The following VPS13A variants were observed in gnomAD, a reference collection of about 807,000 sequenced individuals.
The protein encoded by VPS13A is vacuolar protein sorting 13 homolog A.
VPS13A carries 264 observed loss-of-function variants against 390.9 expected under a neutral mutation model. The ratio of observed to expected loss-of-function variants is 0.68; its 90% CI spans 0.61 to 0.75. The LOEUF (loss-of-function observed/expected upper bound fraction) is 0.75, where lower values mean the gene tolerates loss of function less well. VPS13A is among the 30% of genes least tolerant of loss of function. VPS13A has a pLI of 0.00. For synonymous variants in VPS13A, 1,231 were observed against 1,227.1 expected (o/e 1.00, Z -0.07); for missense variants, 3,409 against 3,733.9 (o/e 0.91, Z 2.27).
chr9:77,363,013 C>A (rs1281092844), intron 59 of VPS13A, among the ~76,000 whole-genome samples: 1 of 151,946 alleles, frequency 6.6e-6, no homozygotes, highest in East Asian at 1.9e-4. Context: ...TCCGTATATT[C>A]TTTTGGGATT....
chr9:77,353,377 G>GTTTTTTTTTTTTTTTTTTTTTTTT, intron 53 of VPS13A, 32 bp from the exon 54 acceptor site: 2 of 1,276,010 alleles, frequency 1.6e-6, no homozygotes, highest in Non-Finnish European at 2.2e-6. Flanking sequence ...TAATTTTTTG[G>GTTTTTTTTTTTTTTTTTTTTTTTT]TTTTTTTTTT....
At chr9:77,337,627 T>C (rs1317031993) in intron 47 of VPS13A, 90 bp downstream of exon 47, 1 of 1,358,156 alleles carries the variant, frequency 7.4e-7, no homozygotes, top group East Asian at 2.5e-5. Flanking sequence ...ATTTTAAAGA[T>C]CTAATAAAAA....
chr9:77,238,387 G>A lies in VPS13A; in HGVS notation c.1900+1G>A. 3 of 1,604,270 alleles carry A rather than the reference G, an allele frequency of 1.9e-6. No individual in the cohort carries two copies. Among genetic ancestry groups the A allele is most frequent in the Non-Finnish European group, 2.6e-6 (3 of 1,171,144 alleles). On this transcript the variant is annotated splice_donor_variant, in intron 19 of 71. Transcript: ENST00000360280. LOFTEE classifies it high-confidence loss of function. Reference sequence around the variant, plus strand: ...GAATTTCGCAGTAAGACAGCAACAGGTAAATGCCAATATTAATGTTGGTGA... The same window carrying A: ...GAATTTCGCAGTAAGACAGCAACAGATAAATGCCAATATTAATGTTGGTGA...
chr9:77,218,075 A>T (rs1418203798), intron 10 of VPS13A, among the ~76,000 whole-genome samples: 1 of 147,998 alleles, frequency 6.8e-6, no homozygotes, highest in African/African-American at 2.5e-5. Flanking sequence ...GGCCATTTGC[A>T]TATCTTCTTT....
chr9:77,235,448 T>C (rs1824089897), intron 17 of VPS13A, among the ~76,000 whole-genome samples: 1 of 152,214 alleles, frequency 6.6e-6, no homozygotes, highest in African/African-American at 2.4e-5. Flanking sequence ...GATGAGTTGC[T>C]TCTCTCTTGC....
intron 23 of VPS13A, among the ~76,000 whole-genome samples, chr9:77,262,124 C>T (rs74678575): frequency 4.6e-5 from 7 of 152,124 alleles, no homozygotes; most frequent in Non-Finnish European, 1.0e-4. Flanking sequence ...AAGGAAGTAA[C>T]CTGCTTGTCA....
chr9:77,333,303 A>G (rs1830373351), intron 46 of VPS13A, among the ~76,000 whole-genome samples: 1 of 152,148 alleles, frequency 6.6e-6, no homozygotes, highest in African/African-American at 2.4e-5. Flanking sequence ...GTTACATGAT[A>G]GTTAATCCAT....
Position 77,416,133 on chromosome 9 carries a change from C to A in VPS13A, c.*127C>A. ...ACCCTGTATTCTGGATGCTAAAAAA[C>A]AAAAACAAACAAAAAAACAAAAACA... On this transcript the variant is annotated 3_prime_UTR_variant, in exon 72 of 72. Transcript: ENST00000360280. 5 of 1,104,062 alleles carry A rather than the reference C, an allele frequency of 4.5e-6. No individual in the cohort carries two copies. The highest frequency in any genetic ancestry group is 5.3e-6 in the Non-Finnish European group (4 of 755,310). 68.4% of individuals were successfully genotyped at this position (1,104,062 alleles called of 1,614,324 possible). A position where few individuals can be genotyped will look rare whatever the true frequency, so the allele number is the denominator to read the frequency against.
Position 77,316,408 on chromosome 9 carries a change from T to C in VPS13A, c.4863+2T>C, listed in dbSNP as rs1245006175. On this transcript the variant is annotated splice_donor_variant, in intron 39 of 71. Transcript: ENST00000360280. LOFTEE classifies it high-confidence loss of function. The stretch of plus-strand genomic sequence containing the variant: ...AAGAGAAAAGGCAAAATCACTACTG[T>C]GAGTTAACTATTTGATCATCTGCTT... 1 of 1,609,558 alleles carries C rather than the reference T, an allele frequency of 6.2e-7. No individual in the cohort carries two copies. Among genetic ancestry groups the C allele is most frequent in the Non-Finnish European group, 8.5e-7 (1 of 1,176,088 alleles).
At chr9:77,269,905 C>T (rs952188705) in intron 23 of VPS13A, among the ~76,000 whole-genome samples, 2 of 152,114 alleles carry the variant, frequency 1.3e-5, no homozygotes, top group Admixed American at 6.5e-5. Context: ...TGACTGGTGT[C>T]TTTATAAGAA....
At chr9:77,408,716 A>G (rs2131661666) in intron 71 of VPS13A, among the ~76,000 whole-genome samples, 1 of 152,288 alleles carries the variant, frequency 6.6e-6, no homozygotes, top group Middle Eastern at 3.4e-3. Flanking sequence ...TCAGTCTGAG[A>G]TCAAAGTGCA....
intron 21 of VPS13A, 116 bp downstream of exon 21, chr9:77,250,345 G>A: frequency 7.9e-7 from 1 of 1,268,216 alleles, no homozygotes; most frequent in Non-Finnish European, 1.1e-6. Context: ...TTTTGAATTA[G>A]AAATGATAGT....
intron 46 of VPS13A, among the ~76,000 whole-genome samples, chr9:77,332,803 C>G (rs1036754530): frequency 6.6e-6 from 1 of 152,068 alleles, no homozygotes; most frequent in Non-Finnish European, 1.5e-5. Flanking sequence ...GTTTAAATAC[C>G]ATTTTAGAAT....
rs1835165306 is a variant in VPS13A at position 77,416,192 on chromosome 9, T to C, written c.*186T>C. ...AAACCAGAATCAGGTAAAACAGCTA[T>C]GTGATTAAAATATTTTAATTCTTCA... On this transcript the variant is annotated 3_prime_UTR_variant, in exon 72 of 72. Transcript: ENST00000360280. 3.3e-6 allele frequency: 2 copies of C among 606,270 alleles called. No homozygotes were observed. Among genetic ancestry groups the C allele is most frequent in the Non-Finnish European group, 5.8e-6 (2 of 342,548 alleles). 37.6% of individuals were successfully genotyped at this position (606,270 alleles called of 1,614,324 possible).
Position 77,213,304 on chromosome 9 carries a change from A to G in VPS13A, c.686A>G (p.Asp229Gly), listed in dbSNP as rs997728613. 6.2e-7 allele frequency: 1 copy of G among 1,613,074 alleles called. No homozygotes were observed. Among genetic ancestry groups the G allele is most frequent in the Admixed American group, 1.7e-5 (1 of 59,978 alleles). Residue 229 changes from aspartate to glycine, a missense_variant, in exon 9 of 72, where the codon GAT becomes GGT. Transcript: ENST00000360280. ...KSQMFYLSDY[D>G]NSLDDLKNGI... ...CAGATGTTTTATCTTAGTGATTATGATAACTCCTTGGTAAGTAAATTTTTT... is the reference window on the plus strand; with the variant it reads ...CAGATGTTTTATCTTAGTGATTATGGTAACTCCTTGGTAAGTAAATTTTTT...
At chr9:77,276,270 C>A in intron 26 of VPS13A, 49 bp downstream of exon 26, 2 of 1,469,650 alleles carry the variant, frequency 1.4e-6, no homozygotes, top group Non-Finnish European at 1.8e-6. Context: ...CATTGTTTGA[C>A]TACCTGCTAG....
chr9:77,201,767 A>G (rs770287088), intron 3 of VPS13A, among the ~76,000 whole-genome samples: 1 of 152,168 alleles, frequency 6.6e-6, no homozygotes, highest in Non-Finnish European at 1.5e-5. Context: ...TAGGTTCTGC[A>G]TCATCCAGGC....
chr9:77,399,203 A>AAAAAAAAAAAAAC (rs1834268360), intron 68 of VPS13A, among the ~76,000 whole-genome samples: 1 of 94,334 alleles, frequency 1.1e-5, no homozygotes. Context: ...AAAAAAAAAA[A>AAAAAAAAAAAAAC]AACAAAGGAT....
At chr9:77,240,207 C>T (rs1207352174) in intron 19 of VPS13A, among the ~76,000 whole-genome samples, 6 of 150,650 alleles carry the variant, frequency 4.0e-5, no homozygotes, top group East Asian at 2.0e-4. Context: ...CTCAGCCTCC[C>T]GAGTAGCTGG....
Sources: gnomAD v4.1 joint callset for allele counts (sites outside exome capture counted in the v4.1 genomes callset) on GRCh38, gnomAD v4.1.1 for gene constraint, MANE v1.5 for transcripts, NCBI Gene and HGNC (gene_info 2026-07-23, HGNC 2026-07-21) for gene names.